The following CAMK1D variants were observed in gnomAD, a reference collection of about 807,000 sequenced individuals.
CAMK1D encodes the protein calcium/calmodulin-dependent protein kinase type 1D.
A neutral mutation model predicts 47.7 loss-of-function variants in CAMK1D; 9 were observed. The ratio of observed to expected loss-of-function variants is 0.19; its 90% CI spans 0.11 to 0.33. CAMK1D has a LOEUF of 0.33. CAMK1D is among the 10% of genes least tolerant of loss of function. The pLI, the probability that CAMK1D is intolerant of heterozygous loss-of-function variation, is 1.00. For synonymous variants in CAMK1D, 184 were observed against 184.9 expected (o/e 0.99, Z 0.04); for missense variants, 291 against 488.7 (o/e 0.60, Z 3.81).
intron 1 of CAMK1D, among the ~76,000 whole-genome samples, chr10:12,518,839 G>A: frequency 8.3e-6 from 1 of 120,394 alleles, no homozygotes; most frequent in Non-Finnish European, 1.8e-5. Context: ...CAAGGCAGAA[G>A]AATTTTTCTT....
chr10:12,603,485 G>A (rs1253189128), intron 2 of CAMK1D, among the ~76,000 whole-genome samples: 1 of 152,166 alleles, frequency 6.6e-6, no homozygotes, highest in African/African-American at 2.4e-5. Flanking sequence ...CATGACCACT[G>A]TCACCTTTTA....
intron 3 of CAMK1D, among the ~76,000 whole-genome samples, chr10:12,739,283 T>C (rs112060200): frequency 0.063 from 9,516 of 150,950 alleles, 537 homozygotes; most frequent in African/African-American, 0.15. Context: ...TACGTTCCCC[T>C]CTCCCCCCGA....
intron 1 of CAMK1D, among the ~76,000 whole-genome samples, chr10:12,452,123 G>T (rs1391099293): frequency 1.3e-5 from 2 of 152,186 alleles, no homozygotes; most frequent in African/African-American, 2.4e-5. Context: ...TTGCAAGCCT[G>T]TTTTCACAGT....
chr10:12,711,502 A>G (rs1833935137), intron 3 of CAMK1D, among the ~76,000 whole-genome samples: 1 of 152,180 alleles, frequency 6.6e-6, no homozygotes, highest in Admixed American at 6.5e-5. Flanking sequence ...TTTACATTTT[A>G]TGTTCATTTA....
intron 3 of CAMK1D, among the ~76,000 whole-genome samples, chr10:12,699,660 A>C (rs1588817271): frequency 2.6e-5 from 4 of 151,562 alleles, no homozygotes; most frequent in Admixed American, 2.6e-4. Context: ...AAAAAAAAAA[A>C]CAAGATGATT....
At chr10:12,489,657 T>C (rs906656331) in intron 1 of CAMK1D, among the ~76,000 whole-genome samples, 7 of 152,190 alleles carry the variant, frequency 4.6e-5, no homozygotes, top group Non-Finnish European at 1.0e-4. Context: ...AGGTTGGGGA[T>C]GCCTGGTTTA....
intron 3 of CAMK1D, among the ~76,000 whole-genome samples, chr10:12,745,633 G>A (rs1209651548): frequency 6.3e-5 from 9 of 143,124 alleles, no homozygotes; most frequent in Non-Finnish European, 1.0e-4. Context: ...ATGGAGTTTC[G>A]CTCTTGTTGC....
intron 1 of CAMK1D, among the ~76,000 whole-genome samples, chr10:12,435,905 G>A (rs1173777373): frequency 6.6e-6 from 1 of 152,190 alleles, no homozygotes; most frequent in African/African-American, 2.4e-5. Flanking sequence ...CCTTTACAGA[G>A]TAGGTTAAGA....
intron 1 of CAMK1D, among the ~76,000 whole-genome samples, chr10:12,527,350 C>CTTTTTTTTT (rs750670427): frequency 3.6e-5 from 3 of 84,034 alleles, no homozygotes; most frequent in East Asian, 3.7e-4. Context: ...ACTTGACTTG[C>CTTTTTTTTT]TTTTTTTTTT....
At chr10:12,792,292 TTC>T (rs1343608198) in intron 6 of CAMK1D, among the ~76,000 whole-genome samples, 3 of 116,868 alleles carry the variant, frequency 2.6e-5, no homozygotes. Flanking sequence ...TCAGTTTTGT[TTC>T]TTATTTGTTT....
chr10:12,501,819 T>G (rs1382545662), intron 1 of CAMK1D, among the ~76,000 whole-genome samples: 1 of 150,228 alleles, frequency 6.7e-6, no homozygotes, highest in Non-Finnish European at 1.5e-5. Context: ...TCAGGGGTGC[T>G]TGGGTTAAGA....
At chr10:12,372,309 C>G (rs1261274331) in intron 1 of CAMK1D, among the ~76,000 whole-genome samples, 1 of 152,240 alleles carries the variant, frequency 6.6e-6, no homozygotes, top group Non-Finnish European at 1.5e-5. Context: ...AATAGATACT[C>G]TTGTCACCAC....
chr10:12,432,674 T>G (rs928088963), intron 1 of CAMK1D, among the ~76,000 whole-genome samples: 2 of 152,192 alleles, frequency 1.3e-5, no homozygotes, highest in African/African-American at 4.8e-5. Context: ...GTTGAATAAA[T>G]GAATGGGTGA....
At chr10:12,606,482 G>A (rs566310492) in intron 2 of CAMK1D, among the ~76,000 whole-genome samples, 7 of 152,304 alleles carry the variant, frequency 4.6e-5, no homozygotes, top group African/African-American at 1.4e-4. Context: ...AACCACGGAC[G>A]GCCCTCCCTG....
At chr10:12,623,283 T>C (rs111218069) in intron 2 of CAMK1D, among the ~76,000 whole-genome samples, 2 of 5,762 alleles carry the variant, frequency 3.5e-4, no homozygotes, top group African/African-American at 4.9e-4. Flanking sequence ...CTCCCTTCCT[T>C]CCTCCCTCCT....
chr10:12,663,632 A>T (rs181247903), intron 2 of CAMK1D, among the ~76,000 whole-genome samples: 37 of 152,230 alleles, frequency 2.4e-4, no homozygotes, highest in African/African-American at 8.7e-4. Context: ...TTCTCCACCA[A>T]ATTCAGAGTA....
chr10:12,715,162 CT>C (rs1834080396), intron 3 of CAMK1D, among the ~76,000 whole-genome samples: 1 of 152,210 alleles, frequency 6.6e-6, no homozygotes, highest in Non-Finnish European at 1.5e-5. Flanking sequence ...TTGAGATCCA[CT>C]TTCTCAGCTA....
At chr10:12,585,538 C>G (rs995378852) in intron 2 of CAMK1D, among the ~76,000 whole-genome samples, 2 of 152,200 alleles carry the variant, frequency 1.3e-5, no homozygotes, top group Non-Finnish European at 2.9e-5. Flanking sequence ...ACTCACAGTT[C>G]TACATGGCTA....
intron 1 of CAMK1D, among the ~76,000 whole-genome samples, chr10:12,410,327 C>G (rs367808720): frequency 2.6e-5 from 4 of 152,256 alleles, no homozygotes; most frequent in African/African-American, 9.6e-5. Flanking sequence ...GTGTATCTCT[C>G]TGTGTGTCTT....
Sources: allele counts gnomAD v4.1 joint callset (sites outside exome capture counted in the v4.1 genomes callset), GRCh38; gene constraint gnomAD v4.1.1; transcripts MANE v1.5; gene names NCBI Gene and HGNC (gene_info 2026-07-23, HGNC 2026-07-21).